SORCS3: variants seen among roughly 807,000 people sequenced by gnomAD.
The protein encoded by SORCS3 is sortilin related VPS10 domain containing receptor 3.
SORCS3 carries 57 observed loss-of-function variants against 146.3 expected under a neutral mutation model. The ratio of observed to expected loss-of-function variants is 0.39; its 90% CI spans 0.31 to 0.49. The LOEUF (loss-of-function observed/expected upper bound fraction) is 0.49. Ranked by LOEUF, SORCS3 falls within the 20% of genes least tolerant of loss-of-function variation. The pLI is 0.92. For missense variants in SORCS3, 1,341 were observed against 1,575.5 expected (o/e 0.85, Z 2.52); for synonymous variants, 653 against 618.5 (o/e 1.06, Z -0.83).
chr10:105,077,806 C>T (rs1230586955), intron 5 of SORCS3, among the ~76,000 whole-genome samples: 1 of 152,136 alleles, frequency 6.6e-6, no homozygotes, highest in Non-Finnish European at 1.5e-5. Context: ...GTGGGTGTAG[C>T]CTGATCTACT....
At chr10:104,749,124 G>A (rs541719083) in intron 1 of SORCS3, among the ~76,000 whole-genome samples, 1 of 152,106 alleles carries the variant, frequency 6.6e-6, no homozygotes, top group Admixed American at 6.6e-5. Context: ...TTTTTGTGTA[G>A]CATGGAGAGT....
At chr10:104,976,468 G>A (rs567599795) in intron 3 of SORCS3, among the ~76,000 whole-genome samples, 1 of 152,198 alleles carries the variant, frequency 6.6e-6, no homozygotes, top group Non-Finnish European at 1.5e-5. Context: ...TGGGGGGACT[G>A]TAAACTAGTT....
chr10:104,915,746 G>A (rs150239164), intron 2 of SORCS3, 87 bp from the exon 3 acceptor site: 35 of 1,059,658 alleles, frequency 3.3e-5, no homozygotes, highest in Admixed American at 1.2e-4. Flanking sequence ...GGTGCTGGTC[G>A]GTCGAGGGAG....
intron 14 of SORCS3, among the ~76,000 whole-genome samples, chr10:105,190,358 A>G (rs2056508442): frequency 6.6e-6 from 1 of 152,220 alleles, no homozygotes; most frequent in Admixed American, 6.5e-5. Flanking sequence ...CATAGTTGTT[A>G]GCATACCCTC....
intron 1 of SORCS3, among the ~76,000 whole-genome samples, chr10:104,746,138 CTTTTT>C (rs1287233951): frequency 7.6e-6 from 1 of 132,118 alleles, no homozygotes; most frequent in Non-Finnish European, 1.7e-5. Flanking sequence ...TAACTGTTTT[CTTTTT>C]TTTTTTTTTT....
intron 1 of SORCS3, among the ~76,000 whole-genome samples, chr10:104,741,180 A>T (rs149827079): frequency 2.5e-5 from 3 of 118,206 alleles, no homozygotes; most frequent in African/African-American, 1.0e-4. Flanking sequence ...TATGTTGCCC[A>T]GGTTGTTCTC....
intron 1 of SORCS3, among the ~76,000 whole-genome samples, chr10:104,653,949 C>A (rs529922419): frequency 6.6e-6 from 1 of 152,268 alleles, no homozygotes; most frequent in African/African-American, 2.4e-5. Context: ...ACCTCCCCCT[C>A]TCCCCCACTA....
At chr10:104,748,974 C>T (rs1328263478) in intron 1 of SORCS3, among the ~76,000 whole-genome samples, 2 of 152,156 alleles carry the variant, frequency 1.3e-5, no homozygotes, top group African/African-American at 4.8e-5. Flanking sequence ...AGGTGTCCAC[C>T]ATTAAGCCAA....
Position 104,830,978 on chromosome 10 carries a change from A to AT in SORCS3, c.628-11806dup, listed in dbSNP as rs543626777. On this transcript the variant is annotated intron_variant, in intron 1 of 26. Transcript: ENST00000369701. ...AGATGTGTGCCACCATGCCCAGCTA[A>AT]TTTTTTTTAATTATTATTATTTTTT... 3.8e-3 allele frequency among the ~76,000 whole-genome samples: 572 copies of AT among 151,768 alleles called. 1 individual carries two copies. Among genetic ancestry groups the AT allele is most frequent in the South Asian group, 0.011 (54 of 4,780 alleles).
intron 1 of SORCS3, among the ~76,000 whole-genome samples, chr10:104,723,255 G>A (rs542872215): frequency 9.1e-4 from 138 of 152,322 alleles, no homozygotes; most frequent in Admixed American, 1.6e-3. Flanking sequence ...TCATTCAGGA[G>A]CAGGTTGTTC....
At chr10:104,656,639 G>A (rs915421732) in intron 1 of SORCS3, among the ~76,000 whole-genome samples, 1 of 151,890 alleles carries the variant, frequency 6.6e-6, no homozygotes, top group African/African-American at 2.4e-5. Context: ...ACTCTAACCT[G>A]GATGACAGAG....
chr10:105,046,384 T>G (rs1398157028), intron 5 of SORCS3, among the ~76,000 whole-genome samples: 1 of 152,158 alleles, frequency 6.6e-6, no homozygotes, highest in Admixed American at 6.5e-5. Flanking sequence ...GTCCGGTTTC[T>G]TCTCCCATGC....
chr10:104,756,265 G>A lies in SORCS3; in HGVS notation c.628-86527G>A, dbSNP rs1313920872. Among the ~76,000 whole-genome samples, 4 of 152,186 alleles carry A rather than the reference G, an allele frequency of 2.6e-5. No individual in the cohort carries two copies. The East Asian group carries it at 7.7e-4, about 29-fold the overall frequency. ...TCCACACCTATGTTAAATACTATGG[G>A]GGCATATAAAAAGTGCATATAGGAT... On this transcript the variant is annotated intron_variant, in intron 1 of 26. Transcript: ENST00000369701.
At chr10:105,051,249 T>C (rs2055410551) in intron 5 of SORCS3, among the ~76,000 whole-genome samples, 1 of 152,142 alleles carries the variant, frequency 6.6e-6, no homozygotes, top group African/African-American at 2.4e-5. Context: ...GAAGTACTAA[T>C]ATAAATCACA....
intron 7 of SORCS3, among the ~76,000 whole-genome samples, chr10:105,136,080 A>G (rs2056057341): frequency 2.0e-5 from 3 of 152,180 alleles, no homozygotes; most frequent in Admixed American, 2.0e-4. Context: ...ATTTTTAGGT[A>G]TTTGTTATAG....
At chr10:104,871,575 A>G (rs555442977) in intron 2 of SORCS3, among the ~76,000 whole-genome samples, 1 of 152,344 alleles carries the variant, frequency 6.6e-6, no homozygotes, top group Admixed American at 6.5e-5. Context: ...GCCTTCTGCA[A>G]TGTGTCTACA....
intron 12 of SORCS3, among the ~76,000 whole-genome samples, chr10:105,165,221 G>A (rs13377154): frequency 2.6e-5 from 4 of 152,092 alleles, no homozygotes; most frequent in Middle Eastern, 3.4e-3. Context: ...AAATGGGTTC[G>A]TAGCTAGATA....
chr10:105,029,958 A>T (rs2055254113), intron 4 of SORCS3, among the ~76,000 whole-genome samples: 1 of 152,112 alleles, frequency 6.6e-6, no homozygotes, highest in Non-Finnish European at 1.5e-5. Context: ...TCTGGAGGGG[A>T]TACTGGAATG....
intron 1 of SORCS3, among the ~76,000 whole-genome samples, chr10:104,839,751 G>A (rs1169515082): frequency 1.3e-5 from 2 of 152,194 alleles, no homozygotes; most frequent in African/African-American, 4.8e-5. Flanking sequence ...GATTCTCCAA[G>A]AAGCAGACGT....
Sources: gnomAD v4.1 joint callset for allele counts (sites outside exome capture counted in the v4.1 genomes callset) on GRCh38, gnomAD v4.1.1 for gene constraint, MANE v1.5 for transcripts, NCBI Gene and HGNC (gene_info 2026-07-23, HGNC 2026-07-21) for gene names.